Variants in BANK1 observed in about 807,000 individuals in gnomAD.
BANK1 encodes B-cell scaffold protein with ankyrin repeats.
BANK1 carries 95 observed loss-of-function variants against 94.5 expected under a neutral mutation model. The ratio of observed to expected loss-of-function variants is 1.00; its 90% CI spans 0.85 to 1.19. The LOEUF (loss-of-function observed/expected upper bound fraction) is 1.19, where lower values mean the gene tolerates loss of function less well. Ranked by LOEUF, BANK1 falls within the 50% of genes most tolerant of loss-of-function variation. BANK1 has a pLI of 0.00. For missense variants in BANK1, 987 were observed against 932.2 expected, an observed-to-expected ratio of 1.06 and a Z score of -0.77; for synonymous variants, 334 against 308.4, an observed-to-expected ratio of 1.08 and a Z score of -0.87.
chr4:101,988,477 CTCTTT>C (rs1725588854), intron 7 of BANK1, among the ~76,000 whole-genome samples: 1 of 152,050 alleles, frequency 6.6e-6, no homozygotes, highest in African/African-American at 2.4e-5. Context: ...GTTCACTCTT[CTCTTT>C]TATTTGTAGA....
chr4:101,850,438 A>AT (rs33966973), intron 2 of BANK1, among the ~76,000 whole-genome samples: 413 of 143,432 alleles, frequency 2.9e-3, no homozygotes, highest in South Asian at 5.2e-3. Flanking sequence ...CACCCAACTA[A>AT]TTTTTTTTTT....
At chr4:101,840,893 G>T (rs950870315) in intron 2 of BANK1, among the ~76,000 whole-genome samples, 2 of 152,072 alleles carry the variant, frequency 1.3e-5, no homozygotes, top group Non-Finnish European at 2.9e-5. Context: ...GCAGTGGTGC[G>T]ATCTCAGCTC....
intron 7 of BANK1, among the ~76,000 whole-genome samples, chr4:101,934,592 A>G (rs998836899): frequency 5.9e-5 from 9 of 151,530 alleles, no homozygotes; most frequent in African/African-American, 2.2e-4. Context: ...AAACAAGACA[A>G]TCAAGAATTA....
intron 11 of BANK1, among the ~76,000 whole-genome samples, chr4:102,052,566 C>T (rs995257614): frequency 6.6e-6 from 1 of 152,074 alleles, no homozygotes; most frequent in Non-Finnish European, 1.5e-5. Context: ...TGCCAGATAT[C>T]ATATCAAAAG....
intron 7 of BANK1, among the ~76,000 whole-genome samples, chr4:102,016,803 A>G (rs146460428): frequency 6.6e-6 from 1 of 152,252 alleles, no homozygotes; most frequent in East Asian, 1.9e-4. Context: ...GAATCCTAGA[A>G]TCTAGACCTC....
At chr4:101,925,013 A>G (rs1211828722) in intron 7 of BANK1, among the ~76,000 whole-genome samples, 1 of 151,672 alleles carries the variant, frequency 6.6e-6, no homozygotes, top group Non-Finnish European at 1.5e-5. Context: ...GAGAATAATG[A>G]CCCTTTTGAT....
chr4:101,859,936 A>G (rs998567954), intron 3 of BANK1, among the ~76,000 whole-genome samples: 2 of 152,130 alleles, frequency 1.3e-5, no homozygotes, highest in Non-Finnish European at 2.9e-5. Flanking sequence ...CAGTCAAATG[A>G]TGGTTATGGA....
At chr4:101,918,230 T>C in intron 7 of BANK1, 41 bp downstream of exon 7, 3 of 1,387,542 alleles carry the variant, frequency 2.2e-6, no homozygotes, top group Non-Finnish European at 2.9e-6. Flanking sequence ...ATATTCTGTT[T>C]GATATTGTAG....
intron 7 of BANK1, among the ~76,000 whole-genome samples, chr4:102,001,983 C>T (rs1726092237): frequency 6.6e-6 from 1 of 152,244 alleles, no homozygotes; most frequent in Non-Finnish European, 1.5e-5. Context: ...TCCAACCCAT[C>T]TCTGAAGCCC....
chr4:102,059,618 T>C (rs1728345760), intron 11 of BANK1, among the ~76,000 whole-genome samples: 2 of 152,186 alleles, frequency 1.3e-5, no homozygotes, highest in African/African-American at 4.8e-5. Flanking sequence ...ACAAATTCCT[T>C]TTGTGCTGAG....
At chr4:101,873,513 TA>T (rs775765474) in intron 5 of BANK1, among the ~76,000 whole-genome samples, 1 of 152,156 alleles carries the variant, frequency 6.6e-6, no homozygotes, top group Non-Finnish European at 1.5e-5. Context: ...ATTATCATTT[TA>T]AAAAAACTGC....
At chr4:101,872,891 G>A (rs953383173) in intron 5 of BANK1, among the ~76,000 whole-genome samples, 15 of 151,936 alleles carry the variant, frequency 9.9e-5, no homozygotes, top group African/African-American at 3.4e-4. Context: ...AGGTGCTTGA[G>A]GCAAGAGAAT....
intron 10 of BANK1, among the ~76,000 whole-genome samples, chr4:102,039,540 G>A (rs914488616): frequency 1.3e-5 from 2 of 152,166 alleles, no homozygotes; most frequent in South Asian, 4.2e-4. Context: ...AAATTGGGAA[G>A]CTGGGGGAAA....
intron 11 of BANK1, among the ~76,000 whole-genome samples, chr4:102,051,369 A>G (rs1728041152): frequency 6.6e-6 from 1 of 152,172 alleles, no homozygotes; most frequent in African/African-American, 2.4e-5. Context: ...TGTTAAAGTC[A>G]TACCTTGAAA....
intron 7 of BANK1, among the ~76,000 whole-genome samples, chr4:101,983,168 G>A (rs541570263): frequency 1.3e-5 from 2 of 152,120 alleles, no homozygotes; most frequent in East Asian, 3.9e-4. Context: ...TTCTGTATGT[G>A]AAGCGCAAAG....
chr4:101,832,875 G>T (rs1010980287), intron 2 of BANK1, among the ~76,000 whole-genome samples: 4 of 150,040 alleles, frequency 2.7e-5, no homozygotes, highest in Admixed American at 6.7e-5. Flanking sequence ...TTCCTTCTTT[G>T]CTTTCTTTTT....
At chr4:101,915,488 A>G (rs17031807) in intron 6 of BANK1, among the ~76,000 whole-genome samples, 4,037 of 152,240 alleles carry the variant, frequency 0.027, 183 homozygotes, top group African/African-American at 0.093. Flanking sequence ...TAACCTATTC[A>G]ACTAAAACAT....
intron 5 of BANK1, among the ~76,000 whole-genome samples, chr4:101,893,115 T>A (rs1401499192): frequency 6.6e-6 from 1 of 152,042 alleles, no homozygotes; most frequent in Non-Finnish European, 1.5e-5. Flanking sequence ...TAATTAATTG[T>A]CTTTGTCTAT....
At chr4:102,006,934 A>C (rs1726279059) in intron 7 of BANK1, among the ~76,000 whole-genome samples, 1 of 149,840 alleles carries the variant, frequency 6.7e-6, no homozygotes, top group Non-Finnish European at 1.5e-5. Context: ...TTGTTATGTA[A>C]AAGAACATCT....
Sources: allele counts gnomAD v4.1 joint callset (sites outside exome capture counted in the v4.1 genomes callset), GRCh38; gene constraint gnomAD v4.1.1; transcripts MANE v1.5; gene names NCBI Gene and HGNC (gene_info 2026-07-23, HGNC 2026-07-21).